The following NCAPH variants were observed in gnomAD, a reference collection of about 807,000 sequenced individuals.
The protein encoded by NCAPH is condensin complex subunit 2.
NCAPH carries 38 observed loss-of-function variants against 85.5 expected under a neutral mutation model. The observed-to-expected ratio is 0.44, with a 90% CI of 0.34 to 0.58. NCAPH has a LOEUF of 0.58. NCAPH is among the 20% of genes least tolerant of loss of function. The pLI, the probability that NCAPH is intolerant of heterozygous loss-of-function variation, is 0.01. For missense variants in NCAPH, 789 were observed against 916.6 expected (o/e 0.86, Z 1.80); for synonymous variants, 301 against 335.1 (o/e 0.90, Z 1.11).
At chr2:96,366,133 A>C in intron 14 of NCAPH, 75 bp downstream of exon 14, 1 of 1,477,474 alleles carries the variant, frequency 6.8e-7, no homozygotes, top group East Asian at 2.3e-5. Context: ...AGAGTCACGC[A>C]ATCTGAGCTT....
intron 10 of NCAPH, among the ~76,000 whole-genome samples, chr2:96,359,820 C>T (rs537269708): frequency 3.3e-5 from 5 of 152,286 alleles, no homozygotes; most frequent in African/African-American, 7.2e-5. Flanking sequence ...GATGGGATCC[C>T]GCTTTGTTGC....
chr2:96,343,718 T>C (rs2064326680), intron 5 of NCAPH, among the ~76,000 whole-genome samples: 1 of 151,860 alleles, frequency 6.6e-6, no homozygotes, highest in South Asian at 2.1e-4. Flanking sequence ...TTTTTTTTTT[T>C]TGAAACGAGG....
rs914320986 is a variant in NCAPH, at chr2:96,358,415, TTG to T, written c.1209-626_1209-625del. On this transcript the variant is annotated intron_variant, in intron 9 of 17. Transcript: ENST00000240423. Reference sequence around the variant, plus strand: ...GACCCCGAGGCTGGGATTAAGGGACTTGTGTCCAGCTCCCAGCTCCGGCATTT... The same window carrying T: ...GACCCCGAGGCTGGGATTAAGGGACTTGTCCAGCTCCCAGCTCCGGCATTT... 4.3e-4 allele frequency among the ~76,000 whole-genome samples: 66 copies of T among 152,232 alleles called. 1 individual carries two copies. The highest frequency in any genetic ancestry group is 1.5e-3 in the African/African-American group (62 of 41,456).
In NCAPH at chr2:96,354,238, A is replaced by G. The variant is rs771993402; in HGVS notation, c.1058A>G (p.Asn353Ser). 7 of 1,614,158 alleles carry G rather than the reference A, an allele frequency of 4.3e-6. No homozygotes were observed. The highest frequency in any genetic ancestry group is 4.0e-5 in the African/African-American group (3 of 75,022). Reference protein sequence around the residue: ...FKKNDQVFDINAEVDESDCGD... With the variant: ...FKKNDQVFDISAEVDESDCGD... ...AAGAATGACCAGGTATTTGACATCA[A>G]TGCTGAAGTTGACGAGAGTGACTGT... The change falls in exon 9 of 18, where the codon AAT becomes AGT. Residue 353 changes from asparagine to serine, a missense_variant. Physicochemically the swap from Asn to Ser is conservative, Grantham distance 46 (BLOSUM62 1). Coordinates refer to ENST00000240423, the MANE Select transcript of NCAPH (RefSeq NM_015341.5).
chr2:96,359,471 A>G (rs932073297), intron 10 of NCAPH: 22 of 420,362 alleles, frequency 5.2e-5, no homozygotes, highest in African/African-American at 3.8e-4. Flanking sequence ...ACATGACTTC[A>G]CTCAGTGGTC....
rs570326751 is a variant in NCAPH, at chr2:96,375,070, C to T, written c.*1719C>T. On this transcript the variant is annotated 3_prime_UTR_variant, in exon 18 of 18. Coordinates refer to ENST00000240423, the MANE Select transcript of NCAPH (RefSeq NM_015341.5). ...AAAAAGTTTAAAAATTAGCCAGGTA[C>T]GGAGGTGTGTGCCTGTAATCCCAGC... Among the ~76,000 whole-genome samples, 23 of 151,776 alleles carry T rather than the reference C, an allele frequency of 1.5e-4. No individual in the cohort carries two copies. The highest frequency in any genetic ancestry group is 9.6e-4 in the East Asian group (5 of 5,182).
Position 96,374,851 on chromosome 2 carries a change from C to T in NCAPH, c.*1500C>T, listed in dbSNP as rs1220697618. 6.6e-6 allele frequency among the ~76,000 whole-genome samples: 1 copy of T among 152,084 alleles called. No homozygotes were observed. The highest frequency in any genetic ancestry group is 1.5e-5 in the Non-Finnish European group (1 of 68,014). Reference sequence around the variant, plus strand: ...AGAACTGGCTAAGCCCATTCCTTCCCTCAGTCAGCCCCACTTCTCTATAGT... The same window carrying T: ...AGAACTGGCTAAGCCCATTCCTTCCTTCAGTCAGCCCCACTTCTCTATAGT... On this transcript the variant is annotated 3_prime_UTR_variant, in exon 18 of 18. Coordinates refer to ENST00000240423, the MANE Select transcript of NCAPH (RefSeq NM_015341.5).
At chr2:96,338,871 C>T (rs987566123) in intron 1 of NCAPH, among the ~76,000 whole-genome samples, 4 of 152,160 alleles carry the variant, frequency 2.6e-5, no homozygotes, top group African/African-American at 9.7e-5. Context: ...AGTGCAGTGG[C>T]GCGATCTCGA....
At chr2:96,351,497 C>T (rs766576824) in intron 6 of NCAPH, among the ~76,000 whole-genome samples, 1 of 151,952 alleles carries the variant, frequency 6.6e-6, no homozygotes, top group Non-Finnish European at 1.5e-5. Context: ...GATGAAACCC[C>T]GTCTCTACTA....
At chr2:96,371,766 T>G (rs2064776990) in intron 17 of NCAPH, among the ~76,000 whole-genome samples, 1 of 152,246 alleles carries the variant, frequency 6.6e-6, no homozygotes, top group Non-Finnish European at 1.5e-5. Flanking sequence ...TACAGGGATC[T>G]GTGATAACTC....
At position 96,372,947 on chromosome 2, in the gene NCAPH, C is replaced by T. The variant is rs529062676; in HGVS notation, c.2167-345C>T. ...AACACCCCTCGAGGATAAGGGGGGA[C>T]GACTGACTATATGTATGTGTTGTGG... On this transcript the variant is annotated intron_variant, in intron 17 of 17. Coordinates refer to ENST00000240423, the MANE Select transcript of NCAPH (RefSeq NM_015341.5). Among the ~76,000 whole-genome samples, 6 of 152,188 alleles carry T rather than the reference C, an allele frequency of 3.9e-5. No individual in the cohort carries two copies. The South Asian group carries it at 8.3e-4, about 21-fold the overall frequency.
At chr2:96,353,238 C>A in intron 7 of NCAPH, 68 bp from the exon 8 acceptor site, 1 of 1,294,230 alleles carries the variant, frequency 7.7e-7, no homozygotes, top group Non-Finnish European at 1.1e-6. Context: ...CAGTATCATT[C>A]TGAAGGGAGT....
chr2:96,374,860 C>T lies in NCAPH; in HGVS notation c.*1509C>T, dbSNP rs2064815551. ...TAAGCCCATTCCTTCCCTCAGTCAGCCCCACTTCTCTATAGTGGGTTCTGG... is the reference window on the plus strand; with the variant it reads ...TAAGCCCATTCCTTCCCTCAGTCAGTCCCACTTCTCTATAGTGGGTTCTGG... On this transcript the variant is annotated 3_prime_UTR_variant, in exon 18 of 18. Coordinates refer to ENST00000240423, the MANE Select transcript of NCAPH (RefSeq NM_015341.5). Among the ~76,000 whole-genome samples, 2 of 152,188 alleles carry T rather than the reference C, an allele frequency of 1.3e-5. No homozygotes were observed. Among genetic ancestry groups the T allele is most frequent in the Non-Finnish European group, 1.5e-5 (1 of 68,008 alleles).
chr2:96,354,120 T>C, intron 8 of NCAPH, 63 bp from the exon 9 acceptor site: 1 of 1,499,936 alleles, frequency 6.7e-7, no homozygotes, highest in South Asian at 1.2e-5. Flanking sequence ...AGGCTGTCCC[T>C]CCAGTGGTGA....
intron 17 of NCAPH, among the ~76,000 whole-genome samples, chr2:96,372,945 G>A (rs982240182): frequency 4.6e-5 from 7 of 152,112 alleles, no homozygotes; most frequent in Admixed American, 3.3e-4. Flanking sequence ...GATAAGGGGG[G>A]ACGACTGACT....
chr2:96,342,015 C>G, intron 2 of NCAPH, 35 bp from the exon 3 acceptor site: 2 of 1,604,432 alleles, frequency 1.2e-6, no homozygotes, highest in Non-Finnish European at 1.7e-6. Context: ...ATCATGGATT[C>G]TTGCCAGAGT....
chr2:96,353,763 G>A (rs560044584), intron 8 of NCAPH, among the ~76,000 whole-genome samples: 1 of 152,082 alleles, frequency 6.6e-6, no homozygotes, highest in Non-Finnish European at 1.5e-5. Context: ...CCTGCTCTTT[G>A]GGGTTGAATC....
chr2:96,359,002 TTATAA>T (rs754129959), intron 9 of NCAPH, 38 bp from the exon 10 acceptor site: 39 of 1,583,552 alleles, frequency 2.5e-5, no homozygotes, highest in African/African-American at 5.4e-5. Context: ...AAATACAGCA[TTATAA>T]TATATGTATT....
chr2:96,367,116 A>G (rs1273555005), intron 14 of NCAPH, 141 bp from the exon 15 acceptor site: 4 of 561,248 alleles, frequency 7.1e-6, no homozygotes, highest in Non-Finnish European at 1.3e-5. Context: ...AAACAAACAA[A>G]CAAAACAAGA....
Sources: allele counts gnomAD v4.1 joint callset (sites outside exome capture counted in the v4.1 genomes callset), GRCh38; gene constraint gnomAD v4.1.1; transcripts MANE v1.5; gene names NCBI Gene and HGNC (gene_info 2026-07-23, HGNC 2026-07-21).